The following SLC14A2 variants were observed in gnomAD, a reference collection of about 807,000 sequenced individuals.
SLC14A2 encodes urea transporter 2.
In SLC14A2, 91 loss-of-function variants were observed where a neutral mutation model predicts 104.6. That is an observed-to-expected ratio of 0.87 (90% CI 0.73 to 1.04). SLC14A2 has a LOEUF of 1.04. Among genes scored for constraint, SLC14A2 ranks in the 50% least tolerant of loss-of-function variants. The pLI, the probability that SLC14A2 is intolerant of heterozygous loss-of-function variation, is 0.00. For synonymous variants in SLC14A2, 476 were observed against 466.4 expected, an observed-to-expected ratio of 1.02 and a Z score of -0.27; for missense variants, 1,189 against 1,156.0, an observed-to-expected ratio of 1.03 and a Z score of -0.41.
chr18:45,365,610 C>T (rs2247694), intron 1 of SLC14A2, among the ~76,000 whole-genome samples: 67,302 of 152,022 alleles, frequency 0.44, 19,301 homozygotes, highest in African/African-American at 0.82. Context: ...AGAGAGATTT[C>T]GTATCATGCC....
chr18:45,495,245 A>C (rs1312804979), intron 2 of SLC14A2, among the ~76,000 whole-genome samples: 1 of 152,232 alleles, frequency 6.6e-6, no homozygotes, highest in African/African-American at 2.4e-5. Context: ...ACAACCACAA[A>C]AAACTTGGAC....
At chr18:45,302,825 A>G (rs915725478) in intron 1 of SLC14A2, among the ~76,000 whole-genome samples, 1 of 152,210 alleles carries the variant, frequency 6.6e-6, no homozygotes, top group African/African-American at 2.4e-5. Flanking sequence ...TAAAATGTTA[A>G]CAAAAATATA....
At chr18:45,407,862 C>T (rs1257170497) in intron 1 of SLC14A2, among the ~76,000 whole-genome samples, 1 of 152,132 alleles carries the variant, frequency 6.6e-6, no homozygotes, top group Non-Finnish European at 1.5e-5. Flanking sequence ...CACTTCCAAA[C>T]AATTACAACA....
rs2046325512 is a variant in SLC14A2 at position 45,682,490 on chromosome 18, A to T, written c.2734A>T (p.Thr912Ser). ...GAGAAACAGAAGGGCATCAATCATA[A>T]CAAAGTATCAGGCCTACGATGTCTC... Reference protein sequence around the residue: ...QERNRRASIITKYQAYDVS With the variant: ...QERNRRASIISKYQAYDVS Residue 912 changes from threonine to serine, a missense_variant, in exon 20 of 20, where the codon ACA becomes TCA. By Grantham distance (58) the Thr-to-Ser change is moderately conservative. Coordinates refer to ENST00000255226, the MANE Select transcript of SLC14A2 (RefSeq NM_007163.4). 1.2e-6 allele frequency: 2 copies of T among 1,614,164 alleles called. No homozygotes were observed. The highest frequency in any genetic ancestry group is 4.5e-5 in the East Asian group (2 of 44,882).
chr18:45,663,883 T>C lies in SLC14A2; in HGVS notation c.1450T>C (p.Ser484Pro). Residue 484 changes from serine to proline, a missense_variant, in exon 11 of 20, where the codon TCA becomes CCA. By Grantham distance (74) the Ser-to-Pro change is moderately conservative. Transcript: ENST00000255226. ...CAGGAGTGTATTTCACATCGAGTGG[T>C]CATCCATTCGGAGGAGGAGCAAAGG... is the stretch of plus-strand genomic sequence containing the variant. ...KHRSVFHIEW[S>P]SIRRRSKVFG... 6.2e-7 allele frequency: 1 copy of C among 1,613,258 alleles called. No individual in the cohort carries two copies. Among genetic ancestry groups the C allele is most frequent in the Non-Finnish European group, 8.5e-7 (1 of 1,179,748 alleles).
chr18:45,643,921 C>A (rs997000346), intron 9 of SLC14A2, 65 bp from the exon 10 acceptor site: 1 of 1,435,696 alleles, frequency 7.0e-7, no homozygotes. Flanking sequence ...CCTTCTCCCC[C>A]AGAGTCCCCA....
Position 45,637,040 on chromosome 18 carries a change from C to T in SLC14A2, c.701C>T (p.Pro234Leu), listed in dbSNP as rs1568307896. The change falls in exon 6 of 20, where the codon CCG becomes CTG. Residue 234 changes from proline (P) to leucine (L), a missense_variant. Coordinates refer to ENST00000255226, the MANE Select transcript of SLC14A2 (RefSeq NM_007163.4). ...TCCATCTTCAGCAAGTGGGACCTCC[C>T]GGTCTTCACTCTGCCCTTCAACATT... ...LNSIFSKWDL[P>L]VFTLPFNIAV... 12 of 1,614,056 alleles carry T rather than the reference C, an allele frequency of 7.4e-6. No homozygotes were observed. The highest frequency in any genetic ancestry group is 5.0e-5 in the Admixed American group (3 of 60,006).
intron 1 of SLC14A2, among the ~76,000 whole-genome samples, chr18:45,278,790 G>A (rs2084730892): frequency 6.6e-6 from 1 of 152,154 alleles, no homozygotes; most frequent in African/African-American, 2.4e-5. Context: ...TCAAACCCGT[G>A]TTGTTCAAGG....
chr18:45,363,303 A>T (rs1229778706), intron 1 of SLC14A2, among the ~76,000 whole-genome samples: 1 of 152,062 alleles, frequency 6.6e-6, no homozygotes, highest in Non-Finnish European at 1.5e-5. Flanking sequence ...TTCTTTCAAT[A>T]TGGGCACAAA....
At position 45,247,957 on chromosome 18, in the gene SLC14A2, C is replaced by T. The variant is rs1350713298; in HGVS notation, c.-125+34766C>T. On this transcript the variant is annotated intron_variant, in intron 1 of 20. Transcript: ENST00000586448. ...CCCTGGGGCCCATAACATCCATGCCCTTCCAGCATCCAGTTGAGCTCTTAA... is the reference window on the plus strand; with the variant it reads ...CCCTGGGGCCCATAACATCCATGCCTTTCCAGCATCCAGTTGAGCTCTTAA... Among the ~76,000 whole-genome samples, 9 of 152,218 alleles carry T rather than the reference C, an allele frequency of 5.9e-5. 1 individual carries two copies. In the South Asian group the frequency reaches 1.0e-3, roughly 18 times the overall value.
chr18:45,283,211 G>A (rs879049623), intron 1 of SLC14A2, among the ~76,000 whole-genome samples: 1 of 151,008 alleles, frequency 6.6e-6, no homozygotes, highest in Non-Finnish European at 1.5e-5. Flanking sequence ...GGGCACATGA[G>A]AGAAATTTCT....
At chr18:45,489,337 C>T (rs548119784) in intron 2 of SLC14A2, among the ~76,000 whole-genome samples, 70 of 152,208 alleles carry the variant, frequency 4.6e-4, no homozygotes, top group African/African-American at 1.6e-3. Context: ...ATAGGGAAAA[C>T]CTGTCTCTAC....
chr18:45,671,434 A>T (rs1275613478), intron 16 of SLC14A2, among the ~76,000 whole-genome samples: 1 of 152,226 alleles, frequency 6.6e-6, no homozygotes. Context: ...CTGATAAATA[A>T]GTGGTGAATT....
chr18:45,183,840 T>A, the SLC14A2 span, among the ~76,000 whole-genome samples: 1 of 149,222 alleles, frequency 6.7e-6, no homozygotes, highest in Non-Finnish European at 1.5e-5. Flanking sequence ...GGCCAAGCTA[T>A]CCACCTCTCA....
chr18:45,305,498 G>A (rs566923473), intron 1 of SLC14A2, among the ~76,000 whole-genome samples: 4 of 152,166 alleles, frequency 2.6e-5, no homozygotes, highest in Admixed American at 2.0e-4. Context: ...ATTAATATTA[G>A]GCTTTTCTCC....
At position 45,265,288 on chromosome 18, in the gene SLC14A2, C is replaced by A. The variant is rs572176805; in HGVS notation, c.-125+52097C>A. On this transcript the variant is annotated intron_variant, in intron 1 of 20. Transcript: ENST00000586448. ...CCTAACTAGCTCCAAAGAGCCAAAC[C>A]AAGACCAACGGGCAGAATTTAGAGT... 1.7e-4 allele frequency among the ~76,000 whole-genome samples: 26 copies of A among 152,194 alleles called. No individual in the cohort carries two copies. In the South Asian group the frequency reaches 4.8e-3, roughly 28 times the overall value.
chr18:45,272,676 A>G (rs1419876209), intron 1 of SLC14A2, among the ~76,000 whole-genome samples: 1 of 152,120 alleles, frequency 6.6e-6, no homozygotes, highest in African/African-American at 2.4e-5. Context: ...TGAATGAATA[A>G]GACCTACTAT....
At chr18:45,397,520 T>A (rs150109137) in intron 1 of SLC14A2, among the ~76,000 whole-genome samples, 2 of 152,322 alleles carry the variant, frequency 1.3e-5, no homozygotes, top group African/African-American at 4.8e-5. Flanking sequence ...TTGTTTGTTT[T>A]TCTCTAGTAA....
At chr18:45,488,604 G>A (rs995402099) in intron 2 of SLC14A2, among the ~76,000 whole-genome samples, 12 of 152,188 alleles carry the variant, frequency 7.9e-5, no homozygotes, top group Admixed American at 1.3e-4. Flanking sequence ...GGGTCATCTG[G>A]CCCATGAATG....
Sources: allele counts gnomAD v4.1 joint callset (sites outside exome capture counted in the v4.1 genomes callset), GRCh38; gene constraint gnomAD v4.1.1; transcripts MANE v1.5; gene names NCBI Gene and HGNC (gene_info 2026-07-23, HGNC 2026-07-21).